PCDHGB3: variants seen among roughly 807,000 people sequenced by gnomAD.
PCDHGB3 encodes protocadherin gamma-B3.
PCDHGB3 carries 40 observed loss-of-function variants against 59.2 expected under a neutral mutation model. The ratio of observed to expected loss-of-function variants is 0.68; its 90% CI spans 0.52 to 0.88. The LOEUF (loss-of-function observed/expected upper bound fraction) is 0.88. Among genes scored for constraint, PCDHGB3 ranks in the 40% least tolerant of loss-of-function variants. PCDHGB3 has a pLI of 0.00. For missense variants in PCDHGB3, 1,309 were observed against 1,187.9 expected (o/e 1.10, Z -1.50); for synonymous variants, 581 against 503.6 (o/e 1.15, Z -2.06).
rs180741728 is a variant in PCDHGB3 at position 141,505,088 on chromosome 5, G to A, written c.2475-305G>A. Among the ~76,000 whole-genome samples the A allele has an allele frequency of 3.7e-3, 563 of 152,300 alleles. 5 individuals carry two copies. Among genetic ancestry groups the A allele is most frequent in the Admixed American group, 0.011 (163 of 15,294 alleles). On this transcript the variant is annotated intron_variant, in intron 2 of 3. Coordinates refer to ENST00000576222, the MANE Select transcript of PCDHGB3 (RefSeq NM_018924.5). ...GAGGCAGGAGAATCGCTTGAACCCA[G>A]GAGGTGGATGTTGCAATGAGCCAAG...
chr5:141,441,725 C>A, intron 1 of PCDHGB3: 1 of 352,450 alleles, frequency 2.8e-6, no homozygotes. Flanking sequence ...AGGCCCGCGA[C>A]CAGGACTAGC....
Position 141,372,431 on chromosome 5 carries a change from C to G in PCDHGB3, c.2037C>G (p.Pro679=). 3 of 1,614,052 alleles carry G rather than the reference C, an allele frequency of 1.9e-6. No individual in the cohort carries two copies. The highest frequency in any genetic ancestry group is 2.5e-6 in the Non-Finnish European group (3 of 1,179,908). ...QEIQPDLSDR[P]TPSDPQAELQ... Reference sequence around the variant, plus strand: ...TACAACCTGACCTTAGCGACCGCCCCACTCCCTCTGACCCTCAGGCGGAGC... The same window carrying G: ...TACAACCTGACCTTAGCGACCGCCCGACTCCCTCTGACCCTCAGGCGGAGC... Residue 679 remains proline (P), a synonymous_variant, in exon 1 of 4, where the codon CCC becomes CCG. Coordinates refer to ENST00000576222, the MANE Select transcript of PCDHGB3 (RefSeq NM_018924.5).
rs145484670 is a variant in PCDHGB3 at position 141,469,912 on chromosome 5, C to T, written c.2416-24895C>T. Among the ~76,000 whole-genome samples, 674 of 152,288 alleles carry T rather than the reference C, an allele frequency of 4.4e-3. 6 individuals are homozygous for T. The highest frequency in any genetic ancestry group is 0.015 in the African/African-American group (642 of 41,562). On this transcript the variant is annotated intron_variant, in intron 1 of 3. Transcript: ENST00000576222. ...TTGGGAAGCCGAGGCAGGCAGACCA[C>T]CCGAGGTCAGGAGTTTGAGACCAGC...
chr5:141,387,793 A>T, intron 1 of PCDHGB3: 1 of 1,495,928 alleles, frequency 6.7e-7, no homozygotes, highest in Non-Finnish European at 8.9e-7. Flanking sequence ...CTGCAACTAA[A>T]GTCCGTTCGG....
intron 1 of PCDHGB3, chr5:141,389,975 CTCAGT>C: frequency 6.2e-7 from 1 of 1,614,060 alleles, no homozygotes; most frequent in South Asian, 1.1e-5. Flanking sequence ...TGGCCTTGAT[CTCAGT>C]GCTCTTCCTC....
chr5:141,400,005 T>A, intron 1 of PCDHGB3: 1 of 1,612,520 alleles, frequency 6.2e-7, no homozygotes, highest in Non-Finnish European at 8.5e-7. Context: ...GCACAGCGCG[T>A]GCCTTGGGCG....
chr5:141,404,214 C>T lies in PCDHGB3; in HGVS notation c.2415+31405C>T, dbSNP rs1169013129. On this transcript the variant is annotated intron_variant, in intron 1 of 3. Coordinates refer to ENST00000576222, the MANE Select transcript of PCDHGB3 (RefSeq NM_018924.5). ...GAAAAAGCCTCAGAATATAATATCA[C>T]GGTGACTGCAACAGACAGAGGAACT... 11 of 1,613,562 alleles carry T rather than the reference C, an allele frequency of 6.8e-6. No individual in the cohort carries two copies. In the Admixed American group the frequency reaches 1.3e-4, roughly 20 times the overall value.
Position 141,485,575 on chromosome 5 carries a change from G to C in PCDHGB3, c.2416-9232G>C, listed in dbSNP as rs1200831125. On this transcript the variant is annotated intron_variant, in intron 1 of 3. Coordinates refer to ENST00000576222, the MANE Select transcript of PCDHGB3 (RefSeq NM_018924.5). This position sits in a 1 kb window ranked among gnomAD's most constrained non-coding sequence, Gnocchi z 5.7. ...TGAATGATCACGCCCCCCGTTTTCC[G>C]CGGCAGCAGCTGGACTTGGAAATTG... 2 of 1,612,496 alleles carry C rather than the reference G, an allele frequency of 1.2e-6. No homozygotes were observed. The highest frequency in any genetic ancestry group is 2.7e-5 in the African/African-American group (2 of 74,918).
intron 2 of PCDHGB3, among the ~76,000 whole-genome samples, chr5:141,499,384 A>G (rs2099791576): frequency 6.6e-6 from 1 of 152,200 alleles, no homozygotes. Context: ...TTTTCCACTT[A>G]TAAAATAGTA....
intron 1 of PCDHGB3, chr5:141,383,837 C>G: frequency 6.2e-7 from 1 of 1,613,886 alleles, no homozygotes; most frequent in Non-Finnish European, 8.5e-7. Flanking sequence ...GAAGAAACTG[C>G]CTTCTATGAA....
chr5:141,429,672 A>G (rs1036863132), intron 1 of PCDHGB3, among the ~76,000 whole-genome samples: 1 of 152,210 alleles, frequency 6.6e-6, no homozygotes, highest in African/African-American at 2.4e-5. Context: ...ATATTATTTT[A>G]TTTTATGCCT....
intron 1 of PCDHGB3, among the ~76,000 whole-genome samples, chr5:141,480,151 C>T (rs543997143): frequency 1.3e-5 from 2 of 152,162 alleles, no homozygotes; most frequent in African/African-American, 4.8e-5. Context: ...TTAGCCAGCT[C>T]CTAGCATTTT....
At chr5:141,405,420 T>A in intron 1 of PCDHGB3, 1 of 1,509,592 alleles carries the variant, frequency 6.6e-7, no homozygotes, top group Non-Finnish European at 9.0e-7. Flanking sequence ...TTTTTGTTTT[T>A]TGTTTTGTTT....
intron 1 of PCDHGB3, chr5:141,399,868 G>A (rs1410554488): frequency 6.2e-7 from 1 of 1,612,710 alleles, no homozygotes; most frequent in African/African-American, 1.3e-5. Flanking sequence ...TGCAGAGCCC[G>A]GCTACCTGGT....
At chr5:141,384,961 G>A (rs774549251) in intron 1 of PCDHGB3, 1 of 1,614,096 alleles carries the variant, frequency 6.2e-7, no homozygotes, top group South Asian at 1.1e-5. Context: ...TTACAACTAT[G>A]ACCTCACGTT....
At chr5:141,421,721 T>G in intron 1 of PCDHGB3, 1 of 1,613,940 alleles carries the variant, frequency 6.2e-7, no homozygotes, top group Non-Finnish European at 8.5e-7. Flanking sequence ...GATGTGGGCG[T>G]GAACTCCCTC....
At chr5:141,459,829 G>A in intron 1 of PCDHGB3, among the ~76,000 whole-genome samples, 1 of 152,178 alleles carries the variant, frequency 6.6e-6, no homozygotes, top group East Asian at 1.9e-4. Flanking sequence ...AACTTTTCAT[G>A]TGTTGTCTAT....
Position 141,491,103 on chromosome 5 carries a change from G to C in PCDHGB3, c.2416-3704G>C. 1 of 1,614,162 alleles carries C rather than the reference G, an allele frequency of 6.2e-7. No individual in the cohort carries two copies. Among genetic ancestry groups the C allele is most frequent in the South Asian group, 1.1e-5 (1 of 91,082 alleles). On this transcript the variant is annotated intron_variant, in intron 1 of 3. Transcript: ENST00000576222. The surrounding 1 kb of genome is among the most constrained non-coding windows in gnomAD (Gnocchi z 6.9). ...CCACAGCCCCAGGACTGTTCCTCGT[G>C]TCTACACACACTGGTGAGGTGCGCA... is the stretch of plus-strand genomic sequence containing the variant.
rs2097549501 is a variant in PCDHGB3 at position 141,432,920 on chromosome 5, A to T, written c.2415+60111A>T. ...GGCGCTCAGGCTGCGGCGCTGGCAC[A>T]AGTCACGCCTGCTGCAGGCTTCAGG... On this transcript the variant is annotated intron_variant, in intron 1 of 3. Transcript: ENST00000576222. The surrounding 1 kb of genome is among the most constrained non-coding windows in gnomAD (Gnocchi z 6.0). 1 of 1,614,022 alleles carries T rather than the reference A, an allele frequency of 6.2e-7. No homozygotes were observed.
Sources: gnomAD v4.1 joint callset for allele counts (sites outside exome capture counted in the v4.1 genomes callset) on GRCh38, gnomAD v4.1.1 for gene constraint, Gnocchi (gnomAD v3.1) non-coding constraint, MANE v1.5 for transcripts, NCBI Gene and HGNC (gene_info 2026-07-23, HGNC 2026-07-21) for gene names.